Variants in ZFHX3 observed in about 807,000 individuals in gnomAD.
ZFHX3 encodes zinc finger homeobox 3, also known as zinc finger homeobox protein 3.
A neutral mutation model predicts 279.1 loss-of-function variants in ZFHX3; 42 were observed. The observed-to-expected ratio is 0.15, with a 90% CI of 0.12 to 0.19. The LOEUF is 0.19. ZFHX3 is among the 10% of genes least tolerant of loss of function. The pLI is 1.00. For synonymous variants in ZFHX3, 2,293 were observed against 1,957.8 expected, an observed-to-expected ratio of 1.17 and a Z score of -4.52; for missense variants, 4,981 against 4,754.0, an observed-to-expected ratio of 1.05 and a Z score of -1.40.
chr16:73,656,996 C>T (rs564920909), intron 2 of ZFHX3, among the ~76,000 whole-genome samples: 1 of 152,352 alleles, frequency 6.6e-6, no homozygotes, highest in South Asian at 2.1e-4. Context: ...AGAAATTCCA[C>T]TCTTGCCAAA....
intron 3 of ZFHX3, among the ~76,000 whole-genome samples, chr16:73,322,562 G>A (rs967685910): frequency 6.6e-6 from 1 of 152,108 alleles, no homozygotes; most frequent in African/African-American, 2.4e-5. Context: ...AATTGCTCTC[G>A]GTTTCCAATC....
At chr16:73,462,314 C>T (rs2143582613) in intron 2 of ZFHX3, among the ~76,000 whole-genome samples, 1 of 152,206 alleles carries the variant, frequency 6.6e-6, no homozygotes, top group East Asian at 1.9e-4. Context: ...CCTAAATTTC[C>T]TTATCCCTTG....
At position 72,957,584 on chromosome 16, in the gene ZFHX3, G is replaced by C. The variant is rs1961312589; in HGVS notation, c.2562C>G (p.Pro854=). 6.2e-7 allele frequency: 1 copy of C among 1,613,178 alleles called. No individual in the cohort carries two copies. The highest frequency in any genetic ancestry group is 8.5e-7 in the Non-Finnish European group (1 of 1,179,800). ...GGTAGAGCTCGGCCTCGGCGGGTGAGGGCAGGCTGCCGAGGCCCAGGTGGC... is the reference window on the plus strand; with the variant it reads ...GGTAGAGCTCGGCCTCGGCGGGTGACGGCAGGCTGCCGAGGCCCAGGTGGC... ...HNRHLGLGSL[P]SPAEAELYQY... Residue 854 remains proline, a synonymous_variant, in exon 2 of 10, where the codon CCC becomes CCG. Transcript: ENST00000268489.
Position 72,795,606 on chromosome 16 carries a change from C to A in ZFHX3, c.7076G>T (p.Gly2359Val). Residue 2359 changes from glycine to valine, a missense_variant, in exon 9 of 10, where the codon GGG becomes GTG. Gly to Val is a moderately radical substitution (Grantham distance 109). This residue lies in a region of ZFHX3 where 744 missense variants were observed against 701.3 expected (regional missense o/e 1.06). Coordinates refer to ENST00000268489, the MANE Select transcript of ZFHX3 (RefSeq NM_006885.4). ...KLCYKDEDEE[G>V]QDDSQNEDSM... ...ATCCTCATTTTGGCTGTCGTCCTGC[C>A]CCTCCTCATCCTCATCCTTGTAACA... 6.2e-7 allele frequency: 1 copy of A among 1,613,644 alleles called. No individual in the cohort carries two copies.
intron 1 of ZFHX3, among the ~76,000 whole-genome samples, chr16:73,887,114 A>C (rs1019949231): frequency 6.6e-5 from 10 of 152,194 alleles, no homozygotes; most frequent in African/African-American, 2.4e-4. Context: ...GGATTGGGCG[A>C]TGGTAAGGAT....
chr16:73,681,636 C>T (rs1320483491), intron 1 of ZFHX3, among the ~76,000 whole-genome samples: 1 of 152,194 alleles, frequency 6.6e-6, no homozygotes, highest in Non-Finnish European at 1.5e-5. Context: ...TTAGGATCAT[C>T]TAACATACAT....
intron 5 of ZFHX3, among the ~76,000 whole-genome samples, chr16:73,160,791 TAGAC>T (rs1967215283): frequency 6.6e-6 from 1 of 150,802 alleles, no homozygotes; most frequent in African/African-American, 2.4e-5. Context: ...TTTTTTTTTT[TAGAC>T]AGGATTTACA....
At chr16:73,071,936 T>G (rs554532049) in intron 8 of ZFHX3, among the ~76,000 whole-genome samples, 6 of 152,314 alleles carry the variant, frequency 3.9e-5, no homozygotes, top group South Asian at 4.1e-4. Context: ...TGGGCCCCAT[T>G]GCTTCCACCT....
At chr16:73,746,181 C>T (rs62043695) in intron 1 of ZFHX3, among the ~76,000 whole-genome samples, 175 of 152,144 alleles carry the variant, frequency 1.2e-3, no homozygotes, top group Non-Finnish European at 1.9e-3. Flanking sequence ...TCAATCCTGC[C>T]GCTGTTGCTC....
At chr16:73,048,480 T>G (rs940691365), upstream of ZFHX3, 1 of 152,084 alleles carries the variant, frequency 6.6e-6, no homozygotes, top group Non-Finnish European at 1.5e-5. Context: ...CCGCTCGGCC[T>G]GCGCCGCCCC....
At chr16:73,340,036 C>A (rs1400952882) in intron 3 of ZFHX3, among the ~76,000 whole-genome samples, 1 of 152,132 alleles carries the variant, frequency 6.6e-6, no homozygotes, top group East Asian at 1.9e-4. Flanking sequence ...GCTCCTAGCA[C>A]CTGACAGCTC....
chr16:73,309,870 A>C (rs929484588), intron 4 of ZFHX3, among the ~76,000 whole-genome samples: 21 of 149,306 alleles, frequency 1.4e-4, no homozygotes, highest in Admixed American at 8.0e-4. Flanking sequence ...AAACTTTAGG[A>C]GGCATAAACA....
intron 1 of ZFHX3, among the ~76,000 whole-genome samples, chr16:73,870,084 C>T (rs139755436): frequency 0.01 from 1,529 of 152,278 alleles, 21 homozygotes; most frequent in African/African-American, 0.035. Flanking sequence ...ACAGAGTATA[C>T]GTAGGAAGGT....
intron 1 of ZFHX3, among the ~76,000 whole-genome samples, chr16:73,750,659 G>T (rs2053753721): frequency 1.3e-5 from 2 of 152,108 alleles, no homozygotes; most frequent in South Asian, 4.2e-4. Flanking sequence ...CCATGAGGAG[G>T]TAAGGCGAGC....
At position 72,993,113 on chromosome 16, in the gene ZFHX3, G is replaced by A. The variant is rs139286060; in HGVS notation, c.-49-32919C>T. Among the ~76,000 whole-genome samples, 6 of 152,348 alleles carry A rather than the reference G, an allele frequency of 3.9e-5. No individual in the cohort carries two copies. The East Asian group carries it at 1.2e-3, about 29-fold the overall frequency. ...ATCGCACCACTGCACCCCAGCCTGG[G>A]TGACAGAGCTAGTCTCCATCTCAAA... is the stretch of plus-strand genomic sequence containing the variant. On this transcript the variant is annotated intron_variant, in intron 1 of 9. Coordinates refer to ENST00000268489, the MANE Select transcript of ZFHX3 (RefSeq NM_006885.4).
In ZFHX3 at chr16:73,160,879, C is replaced by T. The variant is rs1769650237; in HGVS notation, c.-1103-17048G>A. On this transcript the variant is annotated intron_variant, in intron 5 of 17. Transcript: ENST00000641206. Reference sequence around the variant, plus strand: ...TGCTGTGGTGGTAAAAATGGTCACACATTTTTCTCCCCTTTTAATCTACAT... The same window carrying T: ...TGCTGTGGTGGTAAAAATGGTCACATATTTTTCTCCCCTTTTAATCTACAT... Among the ~76,000 whole-genome samples, 7 of 150,070 alleles carry T rather than the reference C, an allele frequency of 4.7e-5. No individual in the cohort carries two copies. The Admixed American group carries it at 4.7e-4, about 10-fold the overall frequency.
chr16:73,430,661 G>T (rs925012685), intron 3 of ZFHX3, among the ~76,000 whole-genome samples: 2 of 152,200 alleles, frequency 1.3e-5, no homozygotes, highest in Non-Finnish European at 2.9e-5. Context: ...CTGAGCCTGT[G>T]GGGGTATTAA....
chr16:72,854,674 T>G (rs1016316515), intron 4 of ZFHX3, among the ~76,000 whole-genome samples: 1 of 152,058 alleles, frequency 6.6e-6, no homozygotes, highest in Non-Finnish European at 1.5e-5. Context: ...CAAGATTGGA[T>G]AGGCCAATTT....
intron 3 of ZFHX3, among the ~76,000 whole-genome samples, chr16:73,399,854 G>GTC (rs1338991233): frequency 6.6e-5 from 10 of 151,410 alleles, no homozygotes; most frequent in Non-Finnish European, 4.4e-5. Flanking sequence ...GTGTGTGTGT[G>GTC]TGTGTGTGTG....
Sources: gnomAD v4.1 joint callset for allele counts (sites outside exome capture counted in the v4.1 genomes callset) on GRCh38, gnomAD v4.1.1 for gene constraint, gnomAD v4.1.1 regional missense constraint, MANE v1.5 for transcripts, NCBI Gene and HGNC (gene_info 2026-07-23, HGNC 2026-07-21) for gene names.